ANK2: variants seen among roughly 807,000 people sequenced by gnomAD.
The protein encoded by ANK2 is ankyrin-2.
Under a neutral mutation model 360.5 loss-of-function variants are expected in ANK2, and 83 were observed. The observed-to-expected ratio is 0.23, with a 90% CI of 0.19 to 0.28. The LOEUF (loss-of-function observed/expected upper bound fraction) is 0.28, where lower values mean the gene tolerates loss of function less well. Ranked by LOEUF, ANK2 falls within the 10% of genes least tolerant of loss-of-function variation. The pLI, the probability that ANK2 is intolerant of heterozygous loss-of-function variation, is 1.00. For missense variants in ANK2, 4,201 were observed against 4,795.7 expected (o/e 0.88, Z 3.66); for synonymous variants, 1,740 against 1,759.5 (o/e 0.99, Z 0.28).
chr4:113,159,254 G>C (rs927231329), intron 1 of ANK2, among the ~76,000 whole-genome samples: 23 of 148,172 alleles, frequency 1.6e-4, no homozygotes, highest in African/African-American at 5.5e-4. Context: ...ATTACAGGTA[G>C]ATATTTGTGT....
chr4:113,089,321 T>C (rs1019273493), intron 1 of ANK2, among the ~76,000 whole-genome samples: 2 of 152,232 alleles, frequency 1.3e-5, no homozygotes, highest in African/African-American at 2.4e-5. Flanking sequence ...CACTGAAGAA[T>C]GTTAGCAAGT....
At chr4:112,992,852 G>A (rs1292836045) in intron 2 of ANK2, among the ~76,000 whole-genome samples, 4 of 152,106 alleles carry the variant, frequency 2.6e-5, no homozygotes, top group African/African-American at 9.7e-5. Context: ...GCAAAAATGC[G>A]GATGCTTATT....
chr4:113,197,947 G>A (rs573687473), intron 3 of ANK2, among the ~76,000 whole-genome samples: 1 of 152,262 alleles, frequency 6.6e-6, no homozygotes, highest in East Asian at 1.9e-4. Context: ...AGCAAGAGGA[G>A]CACTCACAGG....
intron 1 of ANK2, among the ~76,000 whole-genome samples, chr4:113,126,422 G>T (rs373799886): frequency 1.3e-5 from 2 of 152,122 alleles, no homozygotes; most frequent in Non-Finnish European, 2.9e-5. Flanking sequence ...CTCAAACTGG[G>T]CCAGAATGCT....
In ANK2 at chr4:113,365,193, G is replaced by GTGTGTGTT; in HGVS notation, c.11032+18_11032+19insTTGTGTGT. On this transcript the variant is annotated intron_variant, in intron 41 of 45. Transcript: ENST00000357077. ...TGGATCATAGTGAAGGTCAAACTGTGTGTGTGTATGTGTGTGTGTGTGTGT... is the reference window on the plus strand; with the variant it reads ...TGGATCATAGTGAAGGTCAAACTGTGTGTGTGTTTGTGTGTATGTGTGTGTGTGTGTGT... 2.0e-6 allele frequency: 3 copies of GTGTGTGTT among 1,527,836 alleles called. No individual in the cohort carries two copies. Among genetic ancestry groups the GTGTGTGTT allele is most frequent in the Non-Finnish European group, 1.8e-6 (2 of 1,137,952 alleles). The allele number at this position is 1,527,836 out of a possible 1,614,324, so 94.6% of individuals were successfully genotyped here. A position where few individuals can be genotyped will look rare whatever the true frequency, so the allele number is the denominator to read the frequency against.
In ANK2 at chr4:112,862,466, C is replaced by T. The variant is rs557710310; in HGVS notation, c.-39-41989C>T. Among the ~76,000 whole-genome samples, 3 of 152,160 alleles carry T rather than the reference C, an allele frequency of 2.0e-5. No individual in the cohort carries two copies. The South Asian group carries it at 6.2e-4, about 32-fold the overall frequency. The stretch of plus-strand genomic sequence containing the variant: ...TGTTCCTGAACAAGGCAGATCAGAG[C>T]TTTAATTTTTGGAATGTTAACAAGG... On this transcript the variant is annotated intron_variant, in intron 1 of 30. Transcript: ENST00000503271.
At chr4:112,952,628 T>G (rs1201053754) in intron 2 of ANK2, among the ~76,000 whole-genome samples, 1 of 152,206 alleles carries the variant, frequency 6.6e-6, no homozygotes, top group Non-Finnish European at 1.5e-5. Context: ...TTCCTTAACA[T>G]GTGTGTTTTA....
intron 1 of ANK2, among the ~76,000 whole-genome samples, chr4:113,106,327 T>C (rs1232324999): frequency 6.6e-6 from 1 of 152,140 alleles, no homozygotes; most frequent in Non-Finnish European, 1.5e-5. Flanking sequence ...TTCAGATGGG[T>C]TATTTCAGTG....
intron 4 of ANK2, 146 bp downstream of exon 4, chr4:113,199,255 C>T (rs1274375759): frequency 1.5e-6 from 1 of 678,316 alleles, no homozygotes; most frequent in African/African-American, 1.8e-5. Context: ...ATTTTATTAA[C>T]CTTTATGATG....
intron 1 of ANK2, among the ~76,000 whole-genome samples, chr4:113,157,985 A>G (rs1292350823): frequency 6.6e-6 from 1 of 152,244 alleles, no homozygotes; most frequent in African/African-American, 2.4e-5. Flanking sequence ...TGAGAACAAA[A>G]TATGTAAGGT....
At chr4:112,989,425 C>T (rs938251356) in intron 2 of ANK2, among the ~76,000 whole-genome samples, 3 of 152,158 alleles carry the variant, frequency 2.0e-5, no homozygotes, top group African/African-American at 7.2e-5. Context: ...TAATATTTAT[C>T]TACCAAATTT....
At chr4:113,121,721 T>TA (rs912036724) in intron 1 of ANK2, among the ~76,000 whole-genome samples, 1 of 152,104 alleles carries the variant, frequency 6.6e-6, no homozygotes, top group African/African-American at 2.4e-5. Context: ...AGTAGAAAAT[T>TA]AAAAAAAAGC....
the ANK2 span, among the ~76,000 whole-genome samples, chr4:112,794,972 A>G: frequency 7.9e-5 from 12 of 152,250 alleles, no homozygotes; most frequent in African/African-American, 2.7e-4. Flanking sequence ...CATGTTTGTT[A>G]TGAAAATCAA....
At chr4:112,724,625 CA>C in the ANK2 span, among the ~76,000 whole-genome samples, 1 of 151,164 alleles carries the variant, frequency 6.6e-6, no homozygotes, top group Non-Finnish European at 1.5e-5. Flanking sequence ...TGGCTACTAT[CA>C]AAACAAAACA....
chr4:112,915,264 A>G (rs2089346855), intron 2 of ANK2, among the ~76,000 whole-genome samples: 1 of 152,156 alleles, frequency 6.6e-6, no homozygotes, highest in Admixed American at 6.5e-5. Context: ...GAGCTCAGCA[A>G]ATGTACTGGG....
At chr4:112,754,104 A>C in the ANK2 span, among the ~76,000 whole-genome samples, 14 of 96,608 alleles carry the variant, frequency 1.4e-4, no homozygotes, top group South Asian at 2.0e-3. Context: ...TCTCAAAAAA[A>C]AAAAAAGTAT....
At chr4:112,724,855 CAAG>C in the ANK2 span, among the ~76,000 whole-genome samples, 46 of 152,230 alleles carry the variant, frequency 3.0e-4, 1 homozygote, top group African/African-American at 9.1e-4. Flanking sequence ...AACAGGGTCT[CAAG>C]GAGATATTTG....
At chr4:113,066,813 T>G (rs1580582118) in intron 1 of ANK2, among the ~76,000 whole-genome samples, 1 of 152,204 alleles carries the variant, frequency 6.6e-6, no homozygotes, top group Non-Finnish European at 1.5e-5. Flanking sequence ...GCATGTAACT[T>G]TGGGCAAGTA....
At chr4:113,030,898 G>A (rs1023009779) in intron 2 of ANK2, among the ~76,000 whole-genome samples, 11 of 151,966 alleles carry the variant, frequency 7.2e-5, no homozygotes, top group African/African-American at 1.4e-4. Context: ...TAAGTGAGGG[G>A]GATGTTGATC....
Sources: gnomAD v4.1 joint callset for allele counts (sites outside exome capture counted in the v4.1 genomes callset) on GRCh38, gnomAD v4.1.1 for gene constraint, MANE v1.5 for transcripts, NCBI Gene and HGNC (gene_info 2026-07-23, HGNC 2026-07-21) for gene names.